The following DENND5B variants were observed in gnomAD, a reference collection of about 807,000 sequenced individuals.
The protein encoded by DENND5B is DENN domain-containing protein 5B.
DENND5B carries 34 observed loss-of-function variants against 140.6 expected under a neutral mutation model. That is an observed-to-expected ratio of 0.24 (90% confidence interval 0.18 to 0.32). The LOEUF (loss-of-function observed/expected upper bound fraction) is 0.32, where lower values mean the gene tolerates loss of function less well. DENND5B is among the 10% of genes least tolerant of loss of function. The pLI is 1.00. For synonymous variants in DENND5B, 551 were observed against 562.1 expected, an observed-to-expected ratio of 0.98 and a Z score of 0.28; for missense variants, 1,142 against 1,560.2, an observed-to-expected ratio of 0.73 and a Z score of 4.52.
rs531174036 is a variant in DENND5B, at chr12:31,502,112, C to T, written c.128-6193G>A. ...TGGGCGGATCACGAGGTCAGGAGTT[C>T]GAGACCAGCCTGGCCAATATGGTGA... On this transcript the variant is annotated intron_variant, in intron 1 of 20. Transcript: ENST00000389082. Among the ~76,000 whole-genome samples the T allele has an allele frequency of 8.8e-4, 133 of 151,976 alleles. 1 individual carries two copies. The highest frequency in any genetic ancestry group is 3.1e-3 in the African/African-American group (127 of 41,434).
At chr12:31,394,017 G>A (rs1398061581) in intron 17 of DENND5B, among the ~76,000 whole-genome samples, 3 of 152,076 alleles carry the variant, frequency 2.0e-5, no homozygotes, top group Admixed American at 6.6e-5. Flanking sequence ...AATTCAAGTA[G>A]GTTTTTTCTA....
intron 1 of DENND5B, among the ~76,000 whole-genome samples, chr12:31,587,281 A>C (rs1731443332): frequency 6.6e-6 from 1 of 152,178 alleles, no homozygotes; most frequent in South Asian, 2.1e-4. Flanking sequence ...CCAAAACTGA[A>C]CTGATTTCCA....
Position 31,567,525 on chromosome 12 carries a change from T to TTAAA in DENND5B, c.127+23180_127+23181insTTTA, listed in dbSNP as rs778266873. 2.5e-3 allele frequency among the ~76,000 whole-genome samples: 226 copies of TTAAA among 91,732 alleles called. 2 individuals carry two copies. The highest frequency in any genetic ancestry group is 9.0e-3 in the African/African-American group (205 of 22,750). The allele number at this position is 91,732 out of a possible 152,430, so 60.2% of individuals were successfully genotyped here. On this transcript the variant is annotated intron_variant, in intron 1 of 20. Coordinates refer to ENST00000389082, the MANE Select transcript of DENND5B (RefSeq NM_144973.4). ...CTGGGCAACAGAGCAAGACTCTGTC[T>TTAAA]AAAAAAAAAAAAAAAAAAAAAGCAT...
At chr12:31,443,656 C>T (rs929893467) in intron 6 of DENND5B, 11 of 152,050 alleles carry the variant, frequency 7.2e-5, no homozygotes, top group African/African-American at 2.7e-4. Flanking sequence ...AAAGAGAAGA[C>T]GCAAGCACAA....
At chr12:31,393,834 C>A (rs1296335645) in intron 17 of DENND5B, among the ~76,000 whole-genome samples, 2 of 152,024 alleles carry the variant, frequency 1.3e-5, no homozygotes, top group African/African-American at 4.8e-5. Context: ...ACTACAGGTG[C>A]CGGCCACCAT....
At chr12:31,411,210 G>A (rs560315862) in intron 13 of DENND5B, among the ~76,000 whole-genome samples, 14 of 150,610 alleles carry the variant, frequency 9.3e-5, no homozygotes, top group African/African-American at 2.7e-4. Flanking sequence ...GGCTAATTTT[G>A]TATTTTTAGT....
chr12:31,479,898 G>A lies in DENND5B; in HGVS notation c.595C>T (p.Pro199Ser). The change falls in exon 3 of 21, where the codon CCA (proline) becomes TCA (serine). Residue 199 changes from proline to serine, a missense_variant. Physicochemically the swap from Pro to Ser is moderately conservative, Grantham distance 74. Transcript: ENST00000389082. The stretch of plus-strand genomic sequence containing the variant: ...AATTTCTTGCAGGCCTGCATGAATG[G>A]TAACGGTGTGATCAAGCATATACTT... ...SKSICLITPL[P>S]FMQACKKFLI... 6.2e-7 allele frequency: 1 copy of A among 1,613,944 alleles called. No individual in the cohort carries two copies. Among genetic ancestry groups the A allele is most frequent in the Non-Finnish European group, 8.5e-7 (1 of 1,179,832 alleles).
intron 3 of DENND5B, among the ~76,000 whole-genome samples, chr12:31,461,627 C>T (rs2679488): frequency 0.078 from 11,849 of 152,118 alleles, 1,050 homozygotes; most frequent in African/African-American, 0.22. Context: ...AATATTTCTG[C>T]AGCAAACCAT....
rs1950587887 is a variant in DENND5B, at chr12:31,590,614, TTGTC to T, written c.127+88_127+91del. Reference sequence around the variant, plus strand: ...GGGAGGGCGCCACCGGGAGCTGACTTTGTCTGGAGCCTGCACCCCGCCTCCCGCG... The same window carrying T: ...GGGAGGGCGCCACCGGGAGCTGACTTTGGAGCCTGCACCCCGCCTCCCGCG... On this transcript the variant is annotated intron_variant, in intron 1 of 20. Transcript: ENST00000389082. The T allele has an allele frequency of 1.3e-5, 18 of 1,335,286 alleles. 1 individual carries two copies. The East Asian group carries it at 2.6e-4, about 19-fold the overall frequency. 82.7% of individuals were successfully genotyped at this position (1,335,286 alleles called of 1,614,324 possible). A position where few individuals can be genotyped will look rare whatever the true frequency, so the allele number is the denominator to read the frequency against.
Position 31,402,626 on chromosome 12 carries a change from C to G in DENND5B, c.2821G>C (p.Val941Leu), listed in dbSNP as rs1456240975. Residue 941 changes from valine (V) to leucine (L), a missense_variant, in exon 15 of 21, where the codon GTG becomes CTG. This residue lies in a region of DENND5B where 268 missense variants were observed against 349.2 expected (regional missense o/e 0.77). Coordinates refer to ENST00000389082, the MANE Select transcript of DENND5B (RefSeq NM_144973.4). Reference protein sequence around the residue: ...FTTIMIPYRSVIIPIKKLSNA... With the variant: ...FTTIMIPYRSLIIPIKKLSNA... ...CTCAGCTTTTTGATTGGGATGATCA[C>G]TGACCTATACGGAATCACTGAAAGA... The G allele has an allele frequency of 6.2e-7, 1 of 1,609,270 alleles. No individual in the cohort carries two copies. Among genetic ancestry groups the G allele is most frequent in the East Asian group, 2.2e-5 (1 of 44,832 alleles).
chr12:31,434,481 T>G (rs981387363), intron 7 of DENND5B, among the ~76,000 whole-genome samples: 1 of 152,150 alleles, frequency 6.6e-6, no homozygotes, highest in Admixed American at 6.6e-5. Flanking sequence ...TGTTTTTGGT[T>G]AATAATGATT....
Position 31,528,352 on chromosome 12 carries a change from C to G in DENND5B, c.128-32433G>C, listed in dbSNP as rs377657758. On this transcript the variant is annotated intron_variant, in intron 1 of 20. Transcript: ENST00000389082. ...GTGTGTCAAACTTCCCTTTGCCTCT[C>G]TCTAGAAGGGTGCATGTGATAGCAT... 3.3e-5 allele frequency among the ~76,000 whole-genome samples: 5 copies of G among 152,328 alleles called. No homozygotes were observed. The East Asian group carries it at 9.6e-4, about 29-fold the overall frequency.
chr12:31,460,669 GAACT>G (rs988067082), intron 3 of DENND5B, among the ~76,000 whole-genome samples: 14 of 152,122 alleles, frequency 9.2e-5, no homozygotes, highest in African/African-American at 3.1e-4. Flanking sequence ...GAGGAATCAA[GAACT>G]AATAAAACTG....
intron 11 of DENND5B, among the ~76,000 whole-genome samples, chr12:31,422,710 C>CT (rs1943084180): frequency 6.6e-6 from 1 of 152,150 alleles, no homozygotes; most frequent in African/African-American, 2.4e-5. Flanking sequence ...GTTACTTCTA[C>CT]TTTTTTGTGA....
chr12:31,577,099 A>C (rs554774542), intron 1 of DENND5B, among the ~76,000 whole-genome samples: 4 of 152,334 alleles, frequency 2.6e-5, no homozygotes, highest in African/African-American at 9.6e-5. Flanking sequence ...AAAGTACAAA[A>C]GCCTGGTCTA....
At position 31,387,793 on chromosome 12, in the gene DENND5B, A is replaced by G; in HGVS notation, c.3642-7T>C. On this transcript the variant is annotated splice_polypyrimidine_tract_variant and splice_region_variant and intron_variant, in intron 20 of 20. Transcript: ENST00000389082. ...CTGTGGGAGCAGGCGATCCCTACAGACCCAAACAGAAACAATTCCTGAGCA... is the reference window on the plus strand; with the variant it reads ...CTGTGGGAGCAGGCGATCCCTACAGGCCCAAACAGAAACAATTCCTGAGCA... 1 of 1,610,262 alleles carries G rather than the reference A, an allele frequency of 6.2e-7. No individual in the cohort carries two copies.
At chr12:31,551,610 G>A (rs1043816693) in intron 1 of DENND5B, among the ~76,000 whole-genome samples, 2 of 152,128 alleles carry the variant, frequency 1.3e-5, no homozygotes, top group Non-Finnish European at 2.9e-5. Context: ...GAAAGTCATT[G>A]GTTGCTTGAT....
At chr12:31,500,173 T>A (rs1405690689) in intron 1 of DENND5B, among the ~76,000 whole-genome samples, 2 of 152,200 alleles carry the variant, frequency 1.3e-5, no homozygotes, top group Non-Finnish European at 1.5e-5. Context: ...GCATTTTAGA[T>A]CTCGGATTTT....
At chr12:31,423,757 A>G (rs987070154) in intron 10 of DENND5B, 82 bp from the exon 11 acceptor site, 30 of 1,419,800 alleles carry the variant, frequency 2.1e-5, no homozygotes, top group Admixed American at 1.0e-4. Flanking sequence ...TCATATTCCA[A>G]TAGCCATTTA....
Sources: allele counts gnomAD v4.1 joint callset (sites outside exome capture counted in the v4.1 genomes callset), GRCh38; gene constraint gnomAD v4.1.1; regional missense constraint gnomAD v4.1.1; transcripts MANE v1.5; gene names NCBI Gene and HGNC (gene_info 2026-07-23, HGNC 2026-07-21).